HSD17B14: variants seen among roughly 807,000 people sequenced by gnomAD.
HSD17B14 encodes L-fucose dehydrogenase.
HSD17B14 carries 32 observed loss-of-function variants against 32.2 expected under a neutral mutation model. The ratio of observed to expected loss-of-function variants is 0.99; its 90% CI spans 0.75 to 1.33. The LOEUF is 1.33. Ranked by LOEUF, HSD17B14 falls within the 40% of genes most tolerant of loss-of-function variation. The probability of loss-of-function intolerance (pLI) is 0.00; values close to 1 mark genes in which losing one functional copy is unlikely to be tolerated. For missense variants in HSD17B14, 370 were observed against 366.5 expected, an observed-to-expected ratio of 1.01 and a Z score of -0.08; for synonymous variants, 140 against 155.4, an observed-to-expected ratio of 0.90 and a Z score of 0.74.
rs889397028 is a variant in HSD17B14, at chr19:48,836,388, G to A, written c.24C>T (p.Ala8=). The change falls in exon 1 of 9, where the codon GCC becomes GCT. Residue 8 remains alanine, a synonymous_variant. Transcript: ENST00000263278. ...CCCCGGTCACGACCACCACCTTCCC[G>A]GCATAGCGCGTTCCCGTAGCCATCC... is the stretch of plus-strand genomic sequence containing the variant. MATGTRY[A]GKVVVVTGGG... is the part of the protein sequence containing the mutation. 4 of 1,613,366 alleles carry A rather than the reference G, an allele frequency of 2.5e-6. No individual in the cohort carries two copies. The highest frequency in any genetic ancestry group is 8.5e-7 in the Non-Finnish European group (1 of 1,179,916).
At position 48,830,338 on chromosome 19, in the gene HSD17B14, A is replaced by C. The variant is rs369562343; in HGVS notation, c.369+1330T>G. ...GTTTCTGTCTGGTTGATAGCGCCCA[A>C]CGTCCAGCGTCTATCACCTTGGGAT... is the stretch of plus-strand genomic sequence containing the variant. On this transcript the variant is annotated intron_variant, in intron 5 of 8. Transcript: ENST00000263278. Among the ~76,000 whole-genome samples, 3 of 152,140 alleles carry C rather than the reference A, an allele frequency of 2.0e-5. No homozygotes were observed. The East Asian group carries it at 5.8e-4, about 29-fold the overall frequency.
intron 5 of HSD17B14, among the ~76,000 whole-genome samples, chr19:48,820,534 T>C (rs993140201): frequency 1.3e-4 from 18 of 141,044 alleles, no homozygotes; most frequent in Admixed American, 5.0e-4. Context: ...AATGGATAGA[T>C]TTTTTTTTTT....
chr19:48,822,225 AATG>A (rs1290886445), intron 5 of HSD17B14, among the ~76,000 whole-genome samples: 3 of 127,118 alleles, frequency 2.4e-5, no homozygotes, highest in Non-Finnish European at 4.8e-5. Context: ...TGGGGATGGT[AATG>A]ATGGTGGTGA....
intron 5 of HSD17B14, among the ~76,000 whole-genome samples, chr19:48,828,533 AC>A (rs1471389598): frequency 6.6e-6 from 1 of 152,102 alleles, no homozygotes; most frequent in African/African-American, 2.4e-5. Flanking sequence ...CAAGAGGATC[AC>A]TTGAGCCCAG....
At chr19:48,821,767 G>A (rs978206021) in intron 5 of HSD17B14, among the ~76,000 whole-genome samples, 1 of 145,236 alleles carries the variant, frequency 6.9e-6, no homozygotes, top group South Asian at 2.2e-4. Flanking sequence ...TGAGGATGAT[G>A]ATAAGGATGA....
intron 5 of HSD17B14, among the ~76,000 whole-genome samples, chr19:48,820,950 C>G (rs967234571): frequency 7.9e-5 from 12 of 151,850 alleles, no homozygotes; most frequent in African/African-American, 2.9e-4. Flanking sequence ...GATCTGCCTG[C>G]TTGGGCCTCC....
intron 3 of HSD17B14, 167 bp from the exon 4 acceptor site, chr19:48,832,899 G>A (rs745434256): frequency 6.4e-6 from 4 of 620,680 alleles, no homozygotes; most frequent in African/African-American, 1.9e-5. Flanking sequence ...GATTACAGGC[G>A]ACTGCCACCA....
At chr19:48,827,305 T>G (rs1342953389) in intron 5 of HSD17B14, among the ~76,000 whole-genome samples, 1 of 152,054 alleles carries the variant, frequency 6.6e-6, no homozygotes, top group Non-Finnish European at 1.5e-5. Flanking sequence ...CCTCCCAAAG[T>G]GCTGGGATTA....
chr19:48,823,762 C>T (rs953143279), intron 5 of HSD17B14, among the ~76,000 whole-genome samples: 2 of 150,632 alleles, frequency 1.3e-5, no homozygotes, highest in South Asian at 4.2e-4. Flanking sequence ...CTCAGCCTCC[C>T]GAGTAGCTGG....
Position 48,831,705 on chromosome 19 carries a change from A to G in HSD17B14, c.332T>C (p.Leu111Pro), listed in dbSNP as rs756907764. The G allele has an allele frequency of 1.2e-6, 2 of 1,613,596 alleles. No homozygotes were observed. Among genetic ancestry groups the G allele is most frequent in the African/African-American group, 2.7e-5 (2 of 74,872 alleles). The change falls in exon 5 of 9, where the codon CTG becomes CCG. Residue 111 changes from leucine to proline, a missense_variant. Coordinates refer to ENST00000263278, the MANE Select transcript of HSD17B14 (RefSeq NM_016246.3). ...ETSAQGFRQL[L>P]ELNLLGTYTL... ...GTACGTCCCCAGTAGGTTCAGCTCC[A>G]GCAGCTGGCGGAATCCCTGGGCAGA...
At chr19:48,821,304 C>T (rs1306021407) in intron 5 of HSD17B14, among the ~76,000 whole-genome samples, 2 of 152,206 alleles carry the variant, frequency 1.3e-5, no homozygotes, top group Admixed American at 6.6e-5. Context: ...TGAGCCACCG[C>T]GCCTGGCCTC....
intron 5 of HSD17B14, among the ~76,000 whole-genome samples, chr19:48,830,822 CTATTTATT>C (rs150317727): frequency 0.075 from 11,027 of 147,606 alleles, 1,156 homozygotes; most frequent in African/African-American, 0.23. Flanking sequence ...TGGACCTGGC[CTATTTATT>C]TATTTATTTA....
In HSD17B14 at chr19:48,824,590, G is replaced by C. The variant is rs2035212659; in HGVS notation, c.369+7078C>G. Among the ~76,000 whole-genome samples, 11 of 151,330 alleles carry C rather than the reference G, an allele frequency of 7.3e-5. No homozygotes were observed. The Admixed American group carries it at 7.3e-4, about 10-fold the overall frequency. On this transcript the variant is annotated intron_variant, in intron 5 of 8. Transcript: ENST00000263278. ...TTGAGATCATCCTGGCCAACATGGT[G>C]AAACCCTGCCTCTACTAAAAAAAAA...
chr19:48,833,103 G>A (rs1170548432), intron 3 of HSD17B14, among the ~76,000 whole-genome samples: 4 of 151,686 alleles, frequency 2.6e-5, no homozygotes, highest in Non-Finnish European at 4.4e-5. Flanking sequence ...AAAGAAGACA[G>A]GGCTCCCAAA....
intron 5 of HSD17B14, among the ~76,000 whole-genome samples, chr19:48,826,992 G>A (rs556006559): frequency 6.6e-6 from 1 of 151,742 alleles, no homozygotes; most frequent in Admixed American, 6.6e-5. Flanking sequence ...TGGCAGCTCT[G>A]TCCGGTCAGT....
At chr19:48,828,570 A>C (rs911837607) in intron 5 of HSD17B14, among the ~76,000 whole-genome samples, 2 of 152,050 alleles carry the variant, frequency 1.3e-5, no homozygotes, top group African/African-American at 4.8e-5. Context: ...GTGAGCTATG[A>C]TGGTACTCCA....
Position 48,834,327 on chromosome 19 carries a change from G to A in HSD17B14, c.159C>T (p.Leu53=). ...ESGGRALEQE[L]PGAVFILCDV... is the part of the protein sequence containing the mutation. ...CACAGAGGATAAAGACAGCTCCAGG[G>A]AGCTCCTGCTCCAGGGCCCGGCCCC... Residue 53 remains leucine, a synonymous_variant, in exon 3 of 9, where the codon CTC becomes CTT. Coordinates refer to ENST00000263278, the MANE Select transcript of HSD17B14 (RefSeq NM_016246.3). 1 of 1,614,074 alleles carries A rather than the reference G, an allele frequency of 6.2e-7. No homozygotes were observed. The highest frequency in any genetic ancestry group is 8.5e-7 in the Non-Finnish European group (1 of 1,179,952).
intron 5 of HSD17B14, among the ~76,000 whole-genome samples, chr19:48,818,083 G>A (rs559026620): frequency 7.9e-5 from 12 of 151,988 alleles, no homozygotes; most frequent in East Asian, 5.8e-4. Context: ...AGGCTGAGGC[G>A]GGCAGTCACC....
At chr19:48,835,741 G>C in intron 2 of HSD17B14, 64 bp downstream of exon 2, 1 of 1,539,788 alleles carries the variant, frequency 6.5e-7, no homozygotes, top group South Asian at 1.1e-5. Flanking sequence ...GAGGTGCTAG[G>C]GGTCTGGACC....
Sources: allele counts gnomAD v4.1 joint callset (sites outside exome capture counted in the v4.1 genomes callset), GRCh38; gene constraint gnomAD v4.1.1; transcripts MANE v1.5; gene names NCBI Gene and HGNC (gene_info 2026-07-23, HGNC 2026-07-21).